Variants in NEFL observed in about 807,000 individuals in gnomAD.
NEFL encodes the protein neurofilament light chain.
NEFL carries 36 observed loss-of-function variants against 51.6 expected under a neutral mutation model. The ratio of observed to expected loss-of-function variants is 0.70; its 90% CI spans 0.53 to 0.92. NEFL has a LOEUF of 0.92. Ranked by LOEUF, NEFL falls within the 40% of genes least tolerant of loss-of-function variation. The pLI is 0.00. For synonymous variants in NEFL, 332 were observed against 302.5 expected (o/e 1.10, Z -1.01); for missense variants, 671 against 722.0 (o/e 0.93, Z 0.81).
rs372795557 is a variant in NEFL, at chr8:24,956,252, C to T, written c.264G>A (p.Thr88=). The T allele has an allele frequency of 8.7e-6, 14 of 1,612,026 alleles. No individual in the cohort carries two copies. The South Asian group carries it at 8.8e-5, about 10-fold the overall frequency. The change falls in exon 1 of 4, where the codon ACG becomes ACA. Residue 88 remains threonine (T), a synonymous_variant. Coordinates refer to ENST00000610854, the MANE Select transcript of NEFL (RefSeq NM_006158.5). This position sits in a 1 kb window ranked among gnomAD's most constrained non-coding sequence, Gnocchi z 5.9. ...GGTCCTGGAGCTGCGCCTTCTCCTG[C>T]GTGCGGATGGACTTGAGGTCGTTGC... ...AISNDLKSIR[T]QEKAQLQDLN... is the part of the protein sequence containing the mutation.
rs2117254497 is a variant in NEFL, at chr8:24,955,696, G to C, written c.820C>G (p.Gln274Glu). 1 of 1,613,918 alleles carries C rather than the reference G, an allele frequency of 6.2e-7. No individual in the cohort carries two copies. Among genetic ancestry groups the C allele is most frequent in the Non-Finnish European group, 8.5e-7 (1 of 1,179,880 alleles). Residue 274 changes from glutamine to glutamate, a missense_variant, in exon 1 of 4, where the codon CAG becomes GAG. Physicochemically the swap from Gln to Glu is conservative, Grantham distance 29. Coordinates refer to ENST00000610854, the MANE Select transcript of NEFL (RefSeq NM_006158.5). The surrounding 1 kb of genome is among the most constrained non-coding windows in gnomAD (Gnocchi z 4.0). ...CTCTTGAACCATTCCTCAGCGTTCT[G>C]CATGTTCTTGGCGGCCAGCTTCTCG... ...QYEKLAAKNM[Q>E]NAEEWFKSRF...
In NEFL at chr8:24,955,259, G is replaced by A; in HGVS notation, c.1044+213C>T. The A allele has an allele frequency of 1.8e-6, 1 of 565,838 alleles. No homozygotes were observed. Among genetic ancestry groups the A allele is most frequent in the East Asian group, 2.9e-5 (1 of 34,658 alleles). 35.1% of individuals were successfully genotyped at this position (565,838 alleles called of 1,614,324 possible). Reference sequence around the variant, plus strand: ...TGGGCAGCTTTAATGCGGAACGCCGGTGCAGCAGCACGGAGCACACTCCCA... The same window carrying A: ...TGGGCAGCTTTAATGCGGAACGCCGATGCAGCAGCACGGAGCACACTCCCA... On this transcript the variant is annotated intron_variant, in intron 1 of 3. Transcript: ENST00000610854. This position sits in a 1 kb window ranked among gnomAD's most constrained non-coding sequence, Gnocchi z 4.0.
chr8:24,953,439 T>A (rs996020002), intron 3 of NEFL, 37 bp downstream of exon 3: 20 of 1,546,356 alleles, frequency 1.3e-5, no homozygotes, highest in Middle Eastern at 2.2e-4. Context: ...CACACCCAGT[T>A]TACACTTGAA....
At chr8:24,954,335 A>C (rs776231390) in intron 1 of NEFL, 30 bp from the exon 2 acceptor site, 2 of 1,605,194 alleles carry the variant, frequency 1.2e-6, no homozygotes, top group East Asian at 2.2e-5. Context: ...AAACAAAAAA[A>C]AAATCCGAGC....
chr8:24,956,292 T>C lies in NEFL; in HGVS notation c.224A>G (p.Gln75Arg). The stretch of plus-strand genomic sequence containing the variant: ...GAGGTCGTTGCTGATGGCGGCTACC[T>C]GGCTCAGGTCGAGGTTCTCCAGACT... Reference protein sequence around the residue: ...MPSLENLDLSQVAAISNDLKS... With the variant: ...MPSLENLDLSRVAAISNDLKS... Residue 75 changes from glutamine (Q) to arginine (R), a missense_variant, in exon 1 of 4, where the codon CAG (glutamine) becomes CGG (arginine). Transcript: ENST00000610854. The surrounding 1 kb of genome is among the most constrained non-coding windows in gnomAD (Gnocchi z 5.9). The C allele has an allele frequency of 6.2e-7, 1 of 1,611,176 alleles. No individual in the cohort carries two copies. Among genetic ancestry groups the C allele is most frequent in the Non-Finnish European group, 8.5e-7 (1 of 1,178,826 alleles).
rs201616934 is a variant in NEFL, at chr8:24,954,251, G to A, written c.1099C>T (p.Arg367Ter). 1.3e-5 allele frequency: 21 copies of A among 1,613,310 alleles called. No homozygotes were observed. Among genetic ancestry groups the A allele is most frequent in the East Asian group, 2.2e-5 (1 of 44,852 alleles). The change falls in exon 2 of 4, where the codon CGA (arginine) becomes TGA (stop). Residue 367 changes from arginine (R) to a stop codon, truncating the protein, a stop_gained. Coordinates refer to ENST00000610854, the MANE Select transcript of NEFL (RefSeq NM_006158.5). LOFTEE classifies it high-confidence loss of function. Reference protein sequence around the residue: ...ELRTTKSEMARYLKEYQDLLN... With the variant: ...ELRTTKSEMA Reference sequence around the variant, plus strand: ...AGGTCTTGGTATTCTTTTAGGTATCGTGCCATTTCACTCTTTGTGGTCCTC... The same window carrying A: ...AGGTCTTGGTATTCTTTTAGGTATCATGCCATTTCACTCTTTGTGGTCCTC...
At position 24,956,291 on chromosome 8, in the gene NEFL, C is replaced by T; in HGVS notation, c.225G>A (p.Gln75=). 1 of 1,611,202 alleles carries T rather than the reference C, an allele frequency of 6.2e-7. No individual in the cohort carries two copies. The highest frequency in any genetic ancestry group is 8.5e-7 in the Non-Finnish European group (1 of 1,178,816). Reference sequence around the variant, plus strand: ...TGAGGTCGTTGCTGATGGCGGCTACCTGGCTCAGGTCGAGGTTCTCCAGAC... The same window carrying T: ...TGAGGTCGTTGCTGATGGCGGCTACTTGGCTCAGGTCGAGGTTCTCCAGAC... ...MPSLENLDLS[Q]VAAISNDLKS... Residue 75 remains glutamine (Q), a synonymous_variant, in exon 1 of 4, where the codon CAG becomes CAA. Coordinates refer to ENST00000610854, the MANE Select transcript of NEFL (RefSeq NM_006158.5). This position sits in a 1 kb window ranked among gnomAD's most constrained non-coding sequence, Gnocchi z 5.9.
Position 24,952,648 on chromosome 8 carries a change from C to T in NEFL, c.*162G>A. 1.7e-6 allele frequency: 2 copies of T among 1,160,732 alleles called. No homozygotes were observed. The highest frequency in any genetic ancestry group is 2.4e-6 in the Non-Finnish European group (2 of 840,038). The allele number at this position is 1,160,732 out of a possible 1,614,324, so 71.9% of individuals were successfully genotyped here. On this transcript the variant is annotated 3_prime_UTR_variant, in exon 4 of 4. Coordinates refer to ENST00000610854, the MANE Select transcript of NEFL (RefSeq NM_006158.5). The stretch of plus-strand genomic sequence containing the variant: ...AGATACTCTGCATAAAGAGGAAATT[C>T]ATAGCACAACATTGAATGTCCAACC...
In NEFL at chr8:24,954,217, A is replaced by G. The variant is rs1410309025; in HGVS notation, c.1133T>C (p.Val378Ala). 5 of 1,613,752 alleles carry G rather than the reference A, an allele frequency of 3.1e-6. No homozygotes were observed. In the Admixed American group the frequency reaches 8.3e-5, roughly 27 times the overall value. Residue 378 changes from valine to alanine, a missense_variant, in exon 2 of 4, where the codon GTG (valine) becomes GCG (alanine). Coordinates refer to ENST00000610854, the MANE Select transcript of NEFL (RefSeq NM_006158.5). Reference sequence around the variant, plus strand: ...AATCTCAATATCCAAAGCCATCTTCACGTTGAGGAGGTCTTGGTATTCTTT... The same window carrying G: ...AATCTCAATATCCAAAGCCATCTTCGCGTTGAGGAGGTCTTGGTATTCTTT... ...YLKEYQDLLN[V>A]KMALDIEIAA... is the part of the protein sequence containing the mutation.
intron 2 of NEFL, 127 bp from the exon 3 acceptor site, chr8:24,953,922 T>C: frequency 7.4e-7 from 1 of 1,350,896 alleles, no homozygotes. Flanking sequence ...CTGGGGATCT[T>C]TTGATGGAGA....
Position 24,955,417 on chromosome 8 carries a change from AACTCCCCCCCTT to A in NEFL, c.1044+43_1044+54del. 1 of 1,199,962 alleles carries A rather than the reference AACTCCCCCCCTT, an allele frequency of 8.3e-7. No homozygotes were observed. The highest frequency in any genetic ancestry group is 1.2e-6 in the Non-Finnish European group (1 of 858,894). 74.3% of individuals were successfully genotyped at this position (1,199,962 alleles called of 1,614,324 possible). ...CTGGTCTCCACTTTCTGGGCGCACC[AACTCCCCCCCTT>A]GCTCGAGTCCCCCGCCCCCCTGTGT... On this transcript the variant is annotated intron_variant, in intron 1 of 3. Coordinates refer to ENST00000610854, the MANE Select transcript of NEFL (RefSeq NM_006158.5). This position sits in a 1 kb window ranked among gnomAD's most constrained non-coding sequence, Gnocchi z 4.0.
chr8:24,955,226 A>C lies in NEFL; in HGVS notation c.1044+246T>G. On this transcript the variant is annotated intron_variant, in intron 1 of 3. Coordinates refer to ENST00000610854, the MANE Select transcript of NEFL (RefSeq NM_006158.5). This position sits in a 1 kb window ranked among gnomAD's most constrained non-coding sequence, Gnocchi z 4.0. ...CCCACGTCTTCCCCTCCCCCACCCA[A>C]CAAGGGCTGGGCAGCTTTAATGCGG... is the stretch of plus-strand genomic sequence containing the variant. The C allele has an allele frequency of 2.1e-5, 9 of 423,624 alleles. No individual in the cohort carries two copies. Among genetic ancestry groups the C allele is most frequent in the East Asian group, 4.2e-5 (1 of 23,750 alleles). The allele number at this position is 423,624 out of a possible 1,614,324, so 26.2% of individuals were successfully genotyped here.
Position 24,956,194 on chromosome 8 carries a change from C to T in NEFL, c.322G>A (p.Val108Met). 2 of 1,610,390 alleles carry T rather than the reference C, an allele frequency of 1.2e-6. No homozygotes were observed. The highest frequency in any genetic ancestry group is 1.3e-5 in the African/African-American group (1 of 74,994). ...NDRFASFIERVHELEQQNKVL... is the reference protein window; with the variant it reads ...NDRFASFIERMHELEQQNKVL... ...TTGTTCTGCTGCTCCAGCTCGTGCACGCGCTCGATGAAGCTGGCGAAGCGG... is the reference window on the plus strand; with the variant it reads ...TTGTTCTGCTGCTCCAGCTCGTGCATGCGCTCGATGAAGCTGGCGAAGCGG... Residue 108 changes from valine to methionine, a missense_variant, in exon 1 of 4, where the codon GTG becomes ATG. By Grantham distance (21) the Val-to-Met change is conservative. Transcript: ENST00000610854. The surrounding 1 kb of genome is among the most constrained non-coding windows in gnomAD (Gnocchi z 5.9).
Position 24,955,345 on chromosome 8 carries a change from A to C in NEFL, c.1044+127T>G. On this transcript the variant is annotated intron_variant, in intron 1 of 3. Transcript: ENST00000610854. This position sits in a 1 kb window ranked among gnomAD's most constrained non-coding sequence, Gnocchi z 4.0. Reference sequence around the variant, plus strand: ...GCCCCACCCCTCCCACACAGTGGCCAAGGAGCCAAGCCCTATCCCTAAGAG... The same window carrying C: ...GCCCCACCCCTCCCACACAGTGGCCCAGGAGCCAAGCCCTATCCCTAAGAG... The C allele has an allele frequency of 1.0e-6, 1 of 954,356 alleles. No homozygotes were observed. Among genetic ancestry groups the C allele is most frequent in the Admixed American group, 2.9e-5 (1 of 34,730 alleles). The allele number at this position is 954,356 out of a possible 1,614,324, so 59.1% of individuals were successfully genotyped here.
chr8:24,952,619 A>G lies in NEFL; in HGVS notation c.*191T>C. The stretch of plus-strand genomic sequence containing the variant: ...CAAGCCAGAAAGCCACTCTGCAAGC[A>G]AACAGATACTCTGCATAAAGAGGAA... On this transcript the variant is annotated 3_prime_UTR_variant, in exon 4 of 4. Transcript: ENST00000610854. The G allele has an allele frequency of 1.1e-6, 1 of 904,840 alleles. No homozygotes were observed. Among genetic ancestry groups the G allele is most frequent in the Non-Finnish European group, 1.6e-6 (1 of 619,226 alleles). 56.1% of individuals were successfully genotyped at this position (904,840 alleles called of 1,614,324 possible). A position where few individuals can be genotyped will look rare whatever the true frequency, so the allele number is the denominator to read the frequency against.
At position 24,952,574 on chromosome 8, in the gene NEFL, G is replaced by C; in HGVS notation, c.*236C>G. On this transcript the variant is annotated 3_prime_UTR_variant, in exon 4 of 4. Transcript: ENST00000610854. ...CGTAGATCCTGAACTCATAAGCGTG[G>C]TCCATGCACAGGCTGGCAGCAAGCC... 1 of 566,430 alleles carries C rather than the reference G, an allele frequency of 1.8e-6. No individual in the cohort carries two copies. Among genetic ancestry groups the C allele is most frequent in the Non-Finnish European group, 3.1e-6 (1 of 324,634 alleles). 35.1% of individuals were successfully genotyped at this position (566,430 alleles called of 1,614,324 possible).
chr8:24,955,241 C>G lies in NEFL; in HGVS notation c.1044+231G>C, dbSNP rs1803027891. The G allele has an allele frequency of 7.4e-6, 4 of 543,708 alleles. No homozygotes were observed. The Admixed American group carries it at 1.3e-4, about 18-fold the overall frequency. The allele number at this position is 543,708 out of a possible 1,614,324, so 33.7% of individuals were successfully genotyped here. Reference sequence around the variant, plus strand: ...CCCCCACCCAACAAGGGCTGGGCAGCTTTAATGCGGAACGCCGGTGCAGCA... The same window carrying G: ...CCCCCACCCAACAAGGGCTGGGCAGGTTTAATGCGGAACGCCGGTGCAGCA... On this transcript the variant is annotated intron_variant, in intron 1 of 3. Coordinates refer to ENST00000610854, the MANE Select transcript of NEFL (RefSeq NM_006158.5). The surrounding 1 kb of genome is among the most constrained non-coding windows in gnomAD (Gnocchi z 4.0).
intron 3 of NEFL, among the ~76,000 whole-genome samples, chr8:24,953,268 G>T (rs1307174349): frequency 2.0e-5 from 3 of 152,182 alleles, no homozygotes; most frequent in South Asian, 2.1e-4. Context: ...TGTGTTAAAT[G>T]ATTATATTAA....
Position 24,955,986 on chromosome 8 carries a change from C to A in NEFL, c.530G>T (p.Arg177Leu), listed in dbSNP as rs1450236716. The change falls in exon 1 of 4, where the codon CGC becomes CTC. Residue 177 changes from arginine (R) to leucine (L), a missense_variant. Physicochemically the swap from Arg to Leu is moderately radical, Grantham distance 102. Transcript: ENST00000610854. The surrounding 1 kb of genome is among the most constrained non-coding windows in gnomAD (Gnocchi z 4.0). Reference protein sequence around the residue: ...LEETLRNLQARYEEEVLSRED... With the variant: ...LEETLRNLQALYEEEVLSRED... ...GCGGCTCAGCACCTCCTCTTCATAG[C>A]GCGCCTGCAGGTTGCGCAGGGTCTC... is the stretch of plus-strand genomic sequence containing the variant. 6.2e-7 allele frequency: 1 copy of A among 1,603,380 alleles called. No homozygotes were observed. The highest frequency in any genetic ancestry group is 1.3e-5 in the African/African-American group (1 of 74,890).
Sources: gnomAD v4.1 joint callset for allele counts (sites outside exome capture counted in the v4.1 genomes callset) on GRCh38, gnomAD v4.1.1 for gene constraint, Gnocchi (gnomAD v3.1) non-coding constraint, MANE v1.5 for transcripts, NCBI Gene and HGNC (gene_info 2026-07-23, HGNC 2026-07-21) for gene names.